Variants in CD74 observed in about 807,000 individuals in gnomAD.
CD74 encodes CD74 molecule.
A neutral mutation model predicts 37.1 loss-of-function variants in CD74; 20 were observed. That is an observed-to-expected ratio of 0.54 (90% CI 0.38 to 0.78). The LOEUF is 0.78. Among genes scored for constraint, CD74 ranks in the 30% least tolerant of loss-of-function variants. The pLI is 0.00. For missense variants in CD74, 338 were observed against 389.5 expected, an observed-to-expected ratio of 0.87 and a Z score of 1.11; for synonymous variants, 150 against 152.0, an observed-to-expected ratio of 0.99 and a Z score of 0.10.
chr5:150,409,992 A>C (rs537719124), intron 1 of CD74, among the ~76,000 whole-genome samples: 1 of 142,384 alleles, frequency 7.0e-6, no homozygotes, highest in South Asian at 2.3e-4. Flanking sequence ...GCTGCGTGCC[A>C]GTCTGTGCTT....
intron 1 of CD74, among the ~76,000 whole-genome samples, chr5:150,412,282 C>T (rs2151186988): frequency 1.3e-5 from 2 of 152,338 alleles, no homozygotes; most frequent in South Asian, 2.1e-4. Context: ...AGGCCTTTAA[C>T]CTAGCATTCA....
At chr5:150,405,341 G>A in intron 4 of CD74, 161 bp from the exon 5 acceptor site, 1 of 1,361,616 alleles carries the variant, frequency 7.3e-7, no homozygotes, top group African/African-American at 1.5e-5. Context: ...GGGGAGGGGA[G>A]GGTACGGGTA....
At chr5:150,406,569 A>G in intron 3 of CD74, 1 of 592,254 alleles carries the variant, frequency 1.7e-6, no homozygotes, top group Non-Finnish European at 3.0e-6. Flanking sequence ...AGTATTGTGA[A>G]TATAAATATT....
Position 150,401,755 on chromosome 5 carries a change from C to T in CD74, c.*485G>A, listed in dbSNP as rs765711742. The T allele has an allele frequency of 5.0e-6, 3 of 598,058 alleles. No homozygotes were observed. The highest frequency in any genetic ancestry group is 8.9e-6 in the Non-Finnish European group (3 of 335,438). 37.0% of individuals were successfully genotyped at this position (598,058 alleles called of 1,614,324 possible). On this transcript the variant is annotated 3_prime_UTR_variant, in exon 9 of 9. Coordinates refer to ENST00000009530, the MANE Select transcript of CD74 (RefSeq NM_001025159.3). ...AAGGATTATGGGTGGAAAACATTGG[C>T]TCTTCCTTGGGGAGTGATGCTGGGG...
At chr5:150,404,916 C>T in intron 5 of CD74, 149 bp from the exon 6 acceptor site, 3 of 835,274 alleles carry the variant, frequency 3.6e-6, no homozygotes, top group Non-Finnish European at 5.9e-6. Flanking sequence ...CTTAAAGACC[C>T]CTGGGGCTGA....
At position 150,402,564 on chromosome 5, in the gene CD74, T is replaced by A; in HGVS notation, c.879A>T (p.Pro293=). The A allele has an allele frequency of 6.2e-7, 1 of 1,613,584 alleles. No individual in the cohort carries two copies. The highest frequency in any genetic ancestry group is 1.1e-5 in the South Asian group (1 of 91,068). The change falls in exon 8 of 9, where the codon CCA becomes CCT. Residue 293 remains proline, a splice_region_variant and synonymous_variant. Coordinates refer to ENST00000009530, the MANE Select transcript of CD74 (RefSeq NM_001025159.3). The surrounding 1 kb of genome is among the most constrained non-coding windows in gnomAD (Gnocchi z 4.2). ...GATGCCCCTCTGCAAGGCCCTTACC[T>A]GGGCCCAGATCCTGCTTGGTCACAC... ...GLGVTKQDLG[P]VPM
At chr5:150,406,212 G>A (rs1561552600) in intron 4 of CD74, 47 bp downstream of exon 4, 1 of 1,492,424 alleles carries the variant, frequency 6.7e-7, no homozygotes, top group Non-Finnish European at 9.3e-7. Flanking sequence ...CCCGGCCAGG[G>A]TCCTGGGTGG....
In CD74 at chr5:150,402,002, T is replaced by A. The variant is rs17111145; in HGVS notation, c.*238A>T. 2 of 1,518,700 alleles carry A rather than the reference T, an allele frequency of 1.3e-6. No homozygotes were observed. The highest frequency in any genetic ancestry group is 4.9e-5 in the East Asian group (2 of 40,826). 94.1% of individuals were successfully genotyped at this position (1,518,700 alleles called of 1,614,324 possible). On this transcript the variant is annotated 3_prime_UTR_variant, in exon 9 of 9. Coordinates refer to ENST00000009530, the MANE Select transcript of CD74 (RefSeq NM_001025159.3). This position sits in a 1 kb window ranked among gnomAD's most constrained non-coding sequence, Gnocchi z 4.2. ...GGGGATCTGTCTAGCTTTTGGCCACTTCCTGGGACCTCACGCCCCTGTTGA... is the reference window on the plus strand; with the variant it reads ...GGGGATCTGTCTAGCTTTTGGCCACATCCTGGGACCTCACGCCCCTGTTGA...
chr5:150,405,590 TC>T, intron 4 of CD74: 1 of 218,268 alleles, frequency 4.6e-6, no homozygotes, highest in Non-Finnish European at 8.0e-6. Flanking sequence ...CTTGTCTGTC[TC>T]CCACACTAGC....
chr5:150,403,594 C>T lies in CD74; in HGVS notation c.626-282G>A, dbSNP rs1769770521. 6.6e-6 allele frequency among the ~76,000 whole-genome samples: 1 copy of T among 152,214 alleles called. No homozygotes were observed. Among genetic ancestry groups the T allele is most frequent in the Non-Finnish European group, 1.5e-5 (1 of 68,042 alleles). On this transcript the variant is annotated intron_variant, in intron 6 of 8. Coordinates refer to ENST00000009530, the MANE Select transcript of CD74 (RefSeq NM_001025159.3). This position sits in a 1 kb window ranked among gnomAD's most constrained non-coding sequence, Gnocchi z 4.5. ...CAGTTTTGGGCCAGGCACAGTGGCT[C>T]ATGCCTGTAATCTTAGCACTTTGGG...
Position 150,408,599 on chromosome 5 carries a change from A to G in CD74, c.126-1275T>C, listed in dbSNP as rs114341273. Among the ~76,000 whole-genome samples, 806 of 152,242 alleles carry G rather than the reference A, an allele frequency of 5.3e-3. 5 individuals carry two copies. Among genetic ancestry groups the G allele is most frequent in the Non-Finnish European group, 7.0e-3 (475 of 68,012 alleles). On this transcript the variant is annotated intron_variant, in intron 1 of 8. Coordinates refer to ENST00000009530, the MANE Select transcript of CD74 (RefSeq NM_001025159.3). ...TGAATTTCTCATGCTCCCTGGACTC[A>G]CCATCCAGACCCTCGGACCTCAGCA...
At position 150,403,741 on chromosome 5, in the gene CD74, C is replaced by T. The variant is rs1328839688; in HGVS notation, c.626-429G>A. On this transcript the variant is annotated intron_variant, in intron 6 of 8. Transcript: ENST00000009530. This position sits in a 1 kb window ranked among gnomAD's most constrained non-coding sequence, Gnocchi z 4.5. ...GGGCGTGGTGGCACATGCCTATAAT[C>T]CCAGCTACTCGGGAGGCCGAGGCAG... 6.6e-6 allele frequency among the ~76,000 whole-genome samples: 1 copy of T among 152,210 alleles called. No homozygotes were observed. The highest frequency in any genetic ancestry group is 6.5e-5 in the Admixed American group (1 of 15,274).
Position 150,402,454 on chromosome 5 carries a change from G to A in CD74, c.880+109C>T, listed in dbSNP as rs1561549782. ...TTCGTCTGTGAAATGGACATCCCAG[G>A]AATGTTGGAGAGTGGCCCAGCGTCA... On this transcript the variant is annotated intron_variant, in intron 8 of 8. Coordinates refer to ENST00000009530, the MANE Select transcript of CD74 (RefSeq NM_001025159.3). The surrounding 1 kb of genome is among the most constrained non-coding windows in gnomAD (Gnocchi z 4.2). 5 of 1,022,906 alleles carry A rather than the reference G, an allele frequency of 4.9e-6. No homozygotes were observed. In the South Asian group the frequency reaches 6.4e-5, roughly 13 times the overall value. The allele number at this position is 1,022,906 out of a possible 1,614,324, so 63.4% of individuals were successfully genotyped here.
chr5:150,411,297 T>G (rs1770328792), intron 1 of CD74, among the ~76,000 whole-genome samples: 1 of 152,220 alleles, frequency 6.6e-6, no homozygotes, highest in Non-Finnish European at 1.5e-5. Context: ...GGCAGTGATT[T>G]ATCCAAGGTC....
At chr5:150,411,644 C>G (rs1370284288) in intron 1 of CD74, among the ~76,000 whole-genome samples, 1 of 152,152 alleles carries the variant, frequency 6.6e-6, no homozygotes, top group Non-Finnish European at 1.5e-5. Flanking sequence ...GGCCTGGTGT[C>G]CCCTGGATGG....
intron 1 of CD74, among the ~76,000 whole-genome samples, chr5:150,410,388 A>C (rs543667294): frequency 5.9e-5 from 9 of 152,276 alleles, no homozygotes; most frequent in African/African-American, 9.6e-5. Flanking sequence ...GGGACCATCT[A>C]AGTTGATTAA....
chr5:150,402,145 G>A lies in CD74; in HGVS notation c.*95C>T. On this transcript the variant is annotated 3_prime_UTR_variant, in exon 9 of 9. Transcript: ENST00000009530. This position sits in a 1 kb window ranked among gnomAD's most constrained non-coding sequence, Gnocchi z 4.2. ...CCAGGGTCTCATGGGATGAGGTACA[G>A]GGTGGGAGATGGGGGAGGGGCTGGG... The A allele has an allele frequency of 6.4e-7, 1 of 1,552,676 alleles. No homozygotes were observed. The highest frequency in any genetic ancestry group is 1.2e-5 in the South Asian group (1 of 83,894).
intron 1 of CD74, among the ~76,000 whole-genome samples, 165 bp downstream of exon 1, chr5:150,412,460 C>A (rs2151187249): frequency 6.6e-6 from 1 of 152,340 alleles, no homozygotes; most frequent in South Asian, 2.1e-4. Context: ...GGAGCCGGAG[C>A]CCAGAGCAGG....
At chr5:150,405,226 G>A (rs757746816) in intron 4 of CD74, 46 bp from the exon 5 acceptor site, 1 of 1,543,688 alleles carries the variant, frequency 6.5e-7, no homozygotes, top group Non-Finnish European at 8.7e-7. Context: ...AGAGCTCCCT[G>A]GCAGGCAGTG....
Sources: gnomAD v4.1 joint callset for allele counts (sites outside exome capture counted in the v4.1 genomes callset) on GRCh38, gnomAD v4.1.1 for gene constraint, Gnocchi (gnomAD v3.1) non-coding constraint, MANE v1.5 for transcripts, NCBI Gene and HGNC (gene_info 2026-07-23, HGNC 2026-07-21) for gene names.